The following PTPRD variants were observed in gnomAD, a reference collection of about 807,000 sequenced individuals.
PTPRD encodes the protein protein tyrosine phosphatase receptor type D, also known as receptor-type tyrosine-protein phosphatase delta.
Under a neutral mutation model 214.5 loss-of-function variants are expected in PTPRD, and 34 were observed. That is an observed-to-expected ratio of 0.16 (90% CI 0.12 to 0.21). The LOEUF (loss-of-function observed/expected upper bound fraction) is 0.21, where lower values mean the gene tolerates loss of function less well. Ranked by LOEUF, PTPRD falls within the 10% of genes least tolerant of loss-of-function variation. PTPRD has a pLI of 1.00. For synonymous variants in PTPRD, 1,128 were observed against 845.7 expected (o/e 1.33, Z -5.79); for missense variants, 2,545 against 2,398.7 (o/e 1.06, Z -1.27).
chr9:9,033,947 C>T (rs2154378669), intron 10 of PTPRD, among the ~76,000 whole-genome samples: 1 of 152,226 alleles, frequency 6.6e-6, no homozygotes, highest in South Asian at 2.1e-4. Flanking sequence ...CAGGGGGAAA[C>T]TCCATTAATT....
chr9:10,449,353 C>T (rs1467674092), intron 2 of PTPRD, among the ~76,000 whole-genome samples: 2 of 151,966 alleles, frequency 1.3e-5, no homozygotes, highest in African/African-American at 2.4e-5. Flanking sequence ...CAATGTCGCC[C>T]AGGCTGGAGT....
chr9:8,865,032 C>A (rs192106228), intron 11 of PTPRD, among the ~76,000 whole-genome samples: 6 of 152,260 alleles, frequency 3.9e-5, no homozygotes, highest in Admixed American at 3.9e-4. Flanking sequence ...GGTATCTGCA[C>A]AAAGCGTGAT....
intron 2 of PTPRD, among the ~76,000 whole-genome samples, chr9:10,526,904 G>T (rs997253585): frequency 2.6e-5 from 4 of 152,094 alleles, no homozygotes; most frequent in Non-Finnish European, 5.9e-5. Context: ...TTATCTATGT[G>T]TTCATCCTCA....
rs573524420 is a variant in PTPRD at position 9,308,523 on chromosome 9, G to C, written c.-203+88926C>G. On this transcript the variant is annotated intron_variant, in intron 9 of 45. Transcript: ENST00000381196. ...AAGCATAAGATGAACTTTGTACTGA[G>C]ATTCACTTTTTGTGATTCTTCATCT... 1.5e-4 allele frequency among the ~76,000 whole-genome samples: 23 copies of C among 152,268 alleles called. 2 individuals carry two copies. Among genetic ancestry groups the C allele is most frequent in the African/African-American group, 5.1e-4 (21 of 41,572 alleles).
In PTPRD at chr9:8,529,833, C is replaced by T. The variant is rs527247439; in HGVS notation, c.353-1054G>A. Among the ~76,000 whole-genome samples, 209 of 152,220 alleles carry T rather than the reference C, an allele frequency of 1.4e-3. 1 individual carries two copies. The highest frequency in any genetic ancestry group is 5.0e-3 in the African/African-American group (206 of 41,564). The stretch of plus-strand genomic sequence containing the variant: ...TACTTTAAGTTCTAGGGTACATATG[C>T]ACAACGTGCAGGTTTGTTACATATG... On this transcript the variant is annotated intron_variant, in intron 14 of 45. Coordinates refer to ENST00000381196, the MANE Select transcript of PTPRD (RefSeq NM_002839.4).
At chr9:8,781,484 AAAC>A (rs1315466997) in intron 11 of PTPRD, among the ~76,000 whole-genome samples, 8 of 152,230 alleles carry the variant, frequency 5.3e-5, no homozygotes, top group Non-Finnish European at 1.2e-4. Context: ...GATTTACTGA[AAAC>A]AGAAGGCAGG....
At chr9:9,224,789 C>T (rs1472342927) in intron 9 of PTPRD, among the ~76,000 whole-genome samples, 2 of 151,804 alleles carry the variant, frequency 1.3e-5, no homozygotes, top group Non-Finnish European at 2.9e-5. Flanking sequence ...TAATAGTTTT[C>T]TGGACTCTGT....
At chr9:9,598,837 T>A (rs1444020359) in intron 7 of PTPRD, among the ~76,000 whole-genome samples, 1 of 152,012 alleles carries the variant, frequency 6.6e-6, no homozygotes, top group Admixed American at 6.6e-5. Context: ...GAATTCTGGC[T>A]TTACTAATTC....
chr9:8,721,186 TG>T (rs1480981624), intron 12 of PTPRD, among the ~76,000 whole-genome samples: 1 of 152,008 alleles, frequency 6.6e-6, no homozygotes, highest in Admixed American at 6.6e-5. Context: ...CCCAACACTT[TG>T]GGAAGCCGAG....
chr9:10,447,747 T>A (rs2098809647), intron 2 of PTPRD, among the ~76,000 whole-genome samples: 2 of 152,052 alleles, frequency 1.3e-5, no homozygotes, highest in South Asian at 4.1e-4. Context: ...TCCTTCCTCA[T>A]TCTTCAAGTA....
At chr9:9,154,755 G>A (rs974890356) in intron 10 of PTPRD, among the ~76,000 whole-genome samples, 3 of 152,094 alleles carry the variant, frequency 2.0e-5, no homozygotes, top group African/African-American at 7.2e-5. Context: ...AGTAAAAGAA[G>A]AGTGTAATCT....
intron 11 of PTPRD, among the ~76,000 whole-genome samples, chr9:8,922,400 T>G (rs2098833988): frequency 6.6e-6 from 1 of 152,218 alleles, no homozygotes; most frequent in Non-Finnish European, 1.5e-5. Flanking sequence ...CACATCATGC[T>G]AAATGAACCA....
intron 9 of PTPRD, among the ~76,000 whole-genome samples, chr9:9,190,517 C>T (rs2099934471): frequency 6.6e-6 from 1 of 152,020 alleles, no homozygotes; most frequent in South Asian, 2.1e-4. Flanking sequence ...CAGCCATTCT[C>T]AGGTATGTCT....
rs145734359 is a variant in PTPRD, at chr9:9,597,238, G to A, written c.-286-22457C>T. Among the ~76,000 whole-genome samples the A allele has an allele frequency of 4.6e-5, 7 of 151,962 alleles. No homozygotes were observed. The East Asian group carries it at 9.7e-4, about 21-fold the overall frequency. On this transcript the variant is annotated intron_variant, in intron 7 of 45. Transcript: ENST00000381196. ...GCCAACAGATATAACCTCCCCCACC[G>A]CAGGATATCATCCCATCAAAGTGGG... is the stretch of plus-strand genomic sequence containing the variant.
intron 7 of PTPRD, among the ~76,000 whole-genome samples, chr9:9,577,366 C>T (rs1396995370): frequency 6.6e-6 from 1 of 151,932 alleles, no homozygotes; most frequent in Non-Finnish European, 1.5e-5. Flanking sequence ...GAGTTTGAGA[C>T]CAGCCTCGGC....
intron 11 of PTPRD, among the ~76,000 whole-genome samples, chr9:8,933,586 A>G (rs1411101793): frequency 1.3e-5 from 2 of 151,974 alleles, no homozygotes; most frequent in African/African-American, 2.4e-5. Flanking sequence ...GCTAATGGAT[A>G]CTTGATATAT....
chr9:9,378,567 G>A (rs1480964476), intron 9 of PTPRD, among the ~76,000 whole-genome samples: 1 of 152,106 alleles, frequency 6.6e-6, no homozygotes, highest in Non-Finnish European at 1.5e-5. Flanking sequence ...GTAAGAGTAT[G>A]TGTAGTTTTG....
At chr9:8,999,270 A>T (rs1404370516) in intron 11 of PTPRD, among the ~76,000 whole-genome samples, 6 of 152,044 alleles carry the variant, frequency 3.9e-5, no homozygotes, top group Non-Finnish European at 1.5e-5. Context: ...TGTGCAATTG[A>T]TGAAGCAAAC....
At chr9:8,843,262 T>C (rs1165592714) in intron 11 of PTPRD, among the ~76,000 whole-genome samples, 3 of 152,230 alleles carry the variant, frequency 2.0e-5, no homozygotes, top group African/African-American at 4.8e-5. Flanking sequence ...TCAAAGAGTT[T>C]GTCTGTCATT....
Sources: allele counts gnomAD v4.1 joint callset (sites outside exome capture counted in the v4.1 genomes callset), GRCh38; gene constraint gnomAD v4.1.1; transcripts MANE v1.5; gene names NCBI Gene and HGNC (gene_info 2026-07-23, HGNC 2026-07-21).